The following SORCS3 variants were observed in gnomAD, a reference collection of about 807,000 sequenced individuals.
SORCS3 encodes the protein VPS10 domain-containing receptor SorCS3.
SORCS3 carries 57 observed loss-of-function variants against 146.3 expected under a neutral mutation model. The ratio of observed to expected loss-of-function variants is 0.39; its 90% CI spans 0.31 to 0.49. The LOEUF (loss-of-function observed/expected upper bound fraction) is 0.49, where lower values mean the gene tolerates loss of function less well. Ranked by LOEUF, SORCS3 falls within the 20% of genes least tolerant of loss-of-function variation. SORCS3 has a pLI of 0.92. For synonymous variants in SORCS3, 653 were observed against 618.5 expected (o/e 1.06, Z -0.83); for missense variants, 1,341 against 1,575.5 (o/e 0.85, Z 2.52).
chr10:105,262,479 A>G lies in SORCS3; in HGVS notation c.3592A>G (p.Thr1198Ala), dbSNP rs1055407423. The G allele has an allele frequency of 9.9e-6, 16 of 1,613,522 alleles. No individual in the cohort carries two copies. The highest frequency in any genetic ancestry group is 1.3e-5 in the Non-Finnish European group (15 of 1,179,708). ...GGAGCTGCTGGACAAAGAGCTGGAC[A>G]CGCGGGTCATAGGTACATGCTCCTG... is the stretch of plus-strand genomic sequence containing the variant. ...PEELLDKELD[T>A]RVIGGIATIA... Residue 1198 changes from threonine to alanine, a missense_variant, in exon 26 of 27, where the codon ACG becomes GCG. By Grantham distance (58) the Thr-to-Ala change is moderately conservative (BLOSUM62 0). Coordinates refer to ENST00000369701, the MANE Select transcript of SORCS3 (RefSeq NM_014978.3).
At chr10:104,780,098 C>T (rs912241415) in intron 1 of SORCS3, among the ~76,000 whole-genome samples, 10 of 147,568 alleles carry the variant, frequency 6.8e-5, no homozygotes, top group Non-Finnish European at 1.3e-4. Flanking sequence ...ATTGGCTGCA[C>T]TTGTGAAGGA....
intron 1 of SORCS3, among the ~76,000 whole-genome samples, chr10:104,833,265 C>G (rs942440223): frequency 6.6e-6 from 1 of 152,300 alleles, no homozygotes; most frequent in East Asian, 1.9e-4. Context: ...AAGAAATTGC[C>G]TTCTCTGAGA....
chr10:105,002,224 C>T lies in SORCS3; in HGVS notation c.954+24731C>T, dbSNP rs1038914020. On this transcript the variant is annotated intron_variant, in intron 4 of 26. Coordinates refer to ENST00000369701, the MANE Select transcript of SORCS3 (RefSeq NM_014978.3). ...TCGCAGGCTGGAGAATGGGTGCCTG[C>T]ATCGTGACAAAGGAGGGGAGACCAA... Among the ~76,000 whole-genome samples the T allele has an allele frequency of 5.3e-5, 8 of 152,140 alleles. 1 individual carries two copies. Among genetic ancestry groups the T allele is most frequent in the African/African-American group, 1.9e-4 (8 of 41,426 alleles).
Position 104,859,113 on chromosome 10 carries a change from C to T in SORCS3, c.695+16254C>T, listed in dbSNP as rs967546628. ...TACATGCTTTAGGGTGTTAGTATGC[C>T]TAAATTTATTGTAAAATTATGAGAA... On this transcript the variant is annotated intron_variant, in intron 2 of 26. Coordinates refer to ENST00000369701, the MANE Select transcript of SORCS3 (RefSeq NM_014978.3). 2.0e-5 allele frequency among the ~76,000 whole-genome samples: 3 copies of T among 151,786 alleles called. No individual in the cohort carries two copies. In the East Asian group the frequency reaches 5.8e-4, roughly 29 times the overall value.
At chr10:104,887,097 A>C (rs2018696683) in intron 2 of SORCS3, among the ~76,000 whole-genome samples, 1 of 152,238 alleles carries the variant, frequency 6.6e-6, no homozygotes, top group South Asian at 2.1e-4. Flanking sequence ...TTTATGATTT[A>C]GTTGGGGAGA....
intron 4 of SORCS3, among the ~76,000 whole-genome samples, chr10:105,007,811 T>C (rs1278235811): frequency 6.6e-6 from 1 of 152,142 alleles, no homozygotes; most frequent in African/African-American, 2.4e-5. Context: ...GAGTAACCCA[T>C]GGCCTGGTCC....
intron 18 of SORCS3, among the ~76,000 whole-genome samples, chr10:105,216,201 A>C (rs1482212375): frequency 6.6e-6 from 1 of 152,184 alleles, no homozygotes; most frequent in Non-Finnish European, 1.5e-5. Flanking sequence ...GGGAAGTCCA[A>C]GGATAAGAGA....
At chr10:105,111,278 A>G (rs2055857347) in intron 7 of SORCS3, among the ~76,000 whole-genome samples, 1 of 152,122 alleles carries the variant, frequency 6.6e-6, no homozygotes, top group Non-Finnish European at 1.5e-5. Flanking sequence ...CTCAGTCGGG[A>G]TTGGACTAAG....
In SORCS3 at chr10:105,248,638, C is replaced by T. The variant is rs908341759; in HGVS notation, c.3105+1307C>T. Among the ~76,000 whole-genome samples the T allele has an allele frequency of 2.1e-5, 3 of 142,870 alleles. No homozygotes were observed. The Admixed American group carries it at 2.3e-4, about 11-fold the overall frequency. The allele number at this position is 142,870 out of a possible 152,430, so 93.7% of individuals were successfully genotyped here. On this transcript the variant is annotated intron_variant, in intron 22 of 26. Coordinates refer to ENST00000369701, the MANE Select transcript of SORCS3 (RefSeq NM_014978.3). ...CTGAGGCAGGAGAGTCACCTGAACC[C>T]AAAAGGCGGAGGTTGCATGAGCCGA...
chr10:104,975,860 G>A (rs578072906), intron 3 of SORCS3, among the ~76,000 whole-genome samples: 6 of 152,350 alleles, frequency 3.9e-5, no homozygotes, highest in East Asian at 1.9e-4. Flanking sequence ...CTAGCCATAT[G>A]TAGAAAGCTG....
intron 1 of SORCS3, among the ~76,000 whole-genome samples, chr10:104,760,714 T>G (rs1215228101): frequency 6.6e-6 from 1 of 152,156 alleles, no homozygotes; most frequent in Non-Finnish European, 1.5e-5. Flanking sequence ...GATGGCAATA[T>G]GACGTGACGA....
intron 19 of SORCS3, among the ~76,000 whole-genome samples, chr10:105,220,546 G>A (rs942310881): frequency 9.9e-5 from 15 of 152,280 alleles, no homozygotes; most frequent in African/African-American, 3.4e-4. Flanking sequence ...AGGTGTGTTG[G>A]GGAATGGGCT....
At chr10:104,771,309 G>C (rs1005244092) in intron 1 of SORCS3, among the ~76,000 whole-genome samples, 9 of 152,204 alleles carry the variant, frequency 5.9e-5, no homozygotes, top group Middle Eastern at 3.2e-3. Flanking sequence ...AAGATTTTCT[G>C]TTCCTTGAAT....
At chr10:105,191,215 A>T (rs1051957390) in intron 14 of SORCS3, among the ~76,000 whole-genome samples, 1 of 152,210 alleles carries the variant, frequency 6.6e-6, no homozygotes, top group Admixed American at 6.5e-5. Context: ...ATGATTTTTG[A>T]TACATTTTGG....
intron 1 of SORCS3, among the ~76,000 whole-genome samples, chr10:104,765,152 G>A (rs1006473726): frequency 6.6e-6 from 1 of 152,158 alleles, no homozygotes; most frequent in Non-Finnish European, 1.5e-5. Context: ...TTTGGACCCC[G>A]TGGAACCTAG....
chr10:105,103,756 G>A (rs1447096507), intron 6 of SORCS3, among the ~76,000 whole-genome samples: 1 of 152,198 alleles, frequency 6.6e-6, no homozygotes, highest in Admixed American at 6.5e-5. Context: ...AAAGGAAACA[G>A]ACATTGCTCA....
intron 14 of SORCS3, among the ~76,000 whole-genome samples, chr10:105,181,431 C>T (rs1005768028): frequency 2.6e-5 from 4 of 152,070 alleles, no homozygotes; most frequent in African/African-American, 7.2e-5. Flanking sequence ...CATGTGGGCA[C>T]AAAAGGGCAG....
At chr10:105,105,553 A>C (rs901686345) in intron 7 of SORCS3, 38 bp downstream of exon 7, 1 of 1,446,560 alleles carries the variant, frequency 6.9e-7, no homozygotes, top group East Asian at 2.3e-5. Context: ...AGGAGGATGC[A>C]TCGTTGAAGT....
intron 4 of SORCS3, among the ~76,000 whole-genome samples, chr10:105,041,035 T>G (rs1469422938): frequency 6.8e-6 from 1 of 146,628 alleles, no homozygotes; most frequent in Non-Finnish European, 1.5e-5. Flanking sequence ...TTATATACAT[T>G]TTTAGCATAT....
Sources: allele counts gnomAD v4.1 joint callset (sites outside exome capture counted in the v4.1 genomes callset), GRCh38; gene constraint gnomAD v4.1.1; transcripts MANE v1.5; gene names NCBI Gene and HGNC (gene_info 2026-07-23, HGNC 2026-07-21).